The following RIMS2 variants were observed in gnomAD, a reference collection of about 807,000 sequenced individuals.
The protein encoded by RIMS2 is regulating synaptic membrane exocytosis 2, also known as regulating synaptic membrane exocytosis protein 2.
A neutral mutation model predicts 174.4 loss-of-function variants in RIMS2; 59 were observed. That is an observed-to-expected ratio of 0.34 (90% confidence interval 0.27 to 0.42). The LOEUF is 0.42. Ranked by LOEUF, RIMS2 falls within the 10% of genes least tolerant of loss-of-function variation. RIMS2 has a pLI of 1.00. For missense variants in RIMS2, 1,620 were observed against 1,666.3 expected (o/e 0.97, Z 0.48); for synonymous variants, 606 against 572.5 (o/e 1.06, Z -0.84).
intron 1 of RIMS2, among the ~76,000 whole-genome samples, chr8:103,514,124 A>G (rs952050127): frequency 6.6e-6 from 1 of 152,202 alleles, no homozygotes; most frequent in African/African-American, 2.4e-5. Context: ...GTACCATTCT[A>G]GAAGCATAAG....
intron 3 of RIMS2, chr8:103,768,466 CA>C (rs1168753577): frequency 1.3e-6 from 1 of 794,978 alleles, no homozygotes; most frequent in African/African-American, 1.7e-5. Flanking sequence ...AATGGTTCCC[CA>C]TGAAGAGGGG....
chr8:103,600,938 G>T (rs1193648795), intron 1 of RIMS2, among the ~76,000 whole-genome samples: 2 of 152,006 alleles, frequency 1.3e-5, no homozygotes, highest in Non-Finnish European at 2.9e-5. Context: ...GTATTTCTCT[G>T]ATGAATTAAT....
intron 1 of RIMS2, among the ~76,000 whole-genome samples, chr8:103,536,001 C>G (rs1360023765): frequency 2.0e-5 from 3 of 152,114 alleles, no homozygotes; most frequent in Non-Finnish European, 4.4e-5. Context: ...TACTTGTATT[C>G]TTATGATATA....
intron 4 of RIMS2, among the ~76,000 whole-genome samples, chr8:103,888,548 G>T (rs545181778): frequency 1.6e-4 from 24 of 151,480 alleles, no homozygotes; most frequent in Admixed American, 4.6e-4. Context: ...TATCTGGTAG[G>T]TATTTCTATT....
In RIMS2 at chr8:103,929,778, G is replaced by A. The variant is rs764680522; in HGVS notation, c.2245-1485G>A. 2.4e-4 allele frequency among the ~76,000 whole-genome samples: 36 copies of A among 151,570 alleles called. 1 individual carries two copies. The highest frequency in any genetic ancestry group is 3.4e-4 in the Non-Finnish European group (23 of 67,782). On this transcript the variant is annotated intron_variant, in intron 11 of 23. Transcript: ENST00000504942. ...CAGAAGAATAGTCTCTTTTTTGCCC[G>A]TTTTTCTTATCTGTATCTATGTTCT...
chr8:104,043,777 C>A (rs1250156758), intron 19 of RIMS2, among the ~76,000 whole-genome samples: 4 of 151,500 alleles, frequency 2.6e-5, no homozygotes, highest in Non-Finnish European at 5.9e-5. Flanking sequence ...CAAGATGGAG[C>A]ATGGATTACA....
chr8:103,623,276 A>G (rs1225909385), intron 1 of RIMS2, among the ~76,000 whole-genome samples: 2 of 152,210 alleles, frequency 1.3e-5, no homozygotes, highest in Admixed American at 1.3e-4. Context: ...TACAATAGCT[A>G]CCTCATAGAC....
rs918163475 is a variant in RIMS2 at position 103,912,312 on chromosome 8, A to G, written c.1812+140A>G. 2.4e-4 allele frequency: 117 copies of G among 482,692 alleles called. No individual in the cohort carries two copies. In the East Asian group the frequency reaches 3.9e-3, roughly 16 times the overall value. The allele number at this position is 482,692 out of a possible 1,614,324, so 29.9% of individuals were successfully genotyped here. A position where few individuals can be genotyped will look rare whatever the true frequency, so the allele number is the denominator to read the frequency against. On this transcript the variant is annotated intron_variant, in intron 6 of 23. Coordinates refer to ENST00000504942, the Ensembl canonical transcript of RIMS2. ...TAGTTTGTGAAGATTCGCACTCATT[A>G]TCTAAAACATTTCATTTTCCCACTA...
chr8:103,977,855 G>A (rs898156904), intron 16 of RIMS2, among the ~76,000 whole-genome samples: 21 of 152,324 alleles, frequency 1.4e-4, no homozygotes, highest in African/African-American at 5.1e-4. Context: ...AAATGCAGAT[G>A]AAGAAATGCA....
chr8:103,886,011 G>C, exon 4 of RIMS2: 3 of 1,612,838 alleles, frequency 1.9e-6, no homozygotes, highest in Non-Finnish European at 2.5e-6. Context: ...AAAACAAAAC[G>C]GGAAAAAATG....
At chr8:104,108,006 A>C (rs2098110512) in intron 19 of RIMS2, among the ~76,000 whole-genome samples, 1 of 147,718 alleles carries the variant, frequency 6.8e-6, no homozygotes, top group African/African-American at 2.5e-5. Context: ...TATTTCAGAA[A>C]TCAGTGGAAA....
intron 14 of RIMS2, among the ~76,000 whole-genome samples, chr8:103,960,399 A>G (rs1159614545): frequency 4.6e-5 from 7 of 152,180 alleles, no homozygotes; most frequent in African/African-American, 7.2e-5. Context: ...TTCCTAGTCT[A>G]TTTCTTAGAA....
intron 19 of RIMS2, among the ~76,000 whole-genome samples, chr8:104,066,660 A>G (rs1419082351): frequency 1.3e-5 from 2 of 152,156 alleles, no homozygotes; most frequent in Non-Finnish European, 2.9e-5. Context: ...CATTTACATC[A>G]TGGAGGCACT....
chr8:104,000,613 TA>T (rs950574785), intron 17 of RIMS2, among the ~76,000 whole-genome samples: 5 of 151,972 alleles, frequency 3.3e-5, no homozygotes, highest in African/African-American at 9.6e-5. Flanking sequence ...GTTCCATGTT[TA>T]GATTTTTAGG....
At chr8:103,678,019 A>G (rs537086896) in intron 1 of RIMS2, among the ~76,000 whole-genome samples, 6 of 152,310 alleles carry the variant, frequency 3.9e-5, no homozygotes, top group African/African-American at 1.4e-4. Context: ...ACAGTTCACT[A>G]TGTAACTGTA....
intron 14 of RIMS2, among the ~76,000 whole-genome samples, chr8:103,947,100 C>G (rs992533413): frequency 4.6e-5 from 7 of 152,068 alleles, no homozygotes; most frequent in African/African-American, 1.7e-4. Context: ...CAAAAATTAA[C>G]TTAAAATGGA....
intron 1 of RIMS2, among the ~76,000 whole-genome samples, chr8:103,582,968 G>A (rs1197303245): frequency 6.6e-6 from 1 of 152,226 alleles, no homozygotes; most frequent in East Asian, 1.9e-4. Flanking sequence ...AGTGGTTGCA[G>A]CAGGCCTTGG....
intron 10 of RIMS2, among the ~76,000 whole-genome samples, chr8:103,924,592 T>C (rs895425586): frequency 6.6e-6 from 1 of 151,622 alleles, no homozygotes; most frequent in African/African-American, 2.4e-5. Context: ...TTTTGGTTAG[T>C]TTTTACTTGG....
At position 104,053,459 on chromosome 8, in the gene RIMS2, A is replaced by G. The variant is rs750966130; in HGVS notation, c.3334+38844A>G. Reference sequence around the variant, plus strand: ...TATTATATCTTCTCTTGGGAGATTCAGTATAAGAACTAGTTCTGACAAGGA... The same window carrying G: ...TATTATATCTTCTCTTGGGAGATTCGGTATAAGAACTAGTTCTGACAAGGA... On this transcript the variant is annotated intron_variant, in intron 19 of 23. Coordinates refer to ENST00000504942, the Ensembl canonical transcript of RIMS2. Among the ~76,000 whole-genome samples the G allele has an allele frequency of 8.5e-5, 13 of 152,202 alleles. No homozygotes were observed. The South Asian group carries it at 1.0e-3, about 12-fold the overall frequency.
Sources: allele counts gnomAD v4.1 joint callset (sites outside exome capture counted in the v4.1 genomes callset), GRCh38; gene constraint gnomAD v4.1.1; transcripts MANE v1.5; gene names NCBI Gene and HGNC (gene_info 2026-07-23, HGNC 2026-07-21).